IL3RA: variants seen among roughly 807,000 people sequenced by gnomAD.
IL3RA encodes interleukin-3 receptor subunit alpha.
Under a neutral mutation model 52.3 loss-of-function variants are expected in IL3RA, and 73 were observed. The observed-to-expected ratio is 1.40, with a 90% CI of 1.16 to 1.70. IL3RA has a LOEUF of 1.70. Ranked by LOEUF, IL3RA falls within the 40% of genes most tolerant of loss-of-function variation. The pLI is 0.00. For synonymous variants in IL3RA, 260 were observed against 194.0 expected, an observed-to-expected ratio of 1.34 and a Z score of -2.83; for missense variants, 664 against 504.4, an observed-to-expected ratio of 1.32 and a Z score of -3.03.
At chrX:1,366,596 G>C (rs1418712595) in intron 9 of IL3RA, among the ~76,000 whole-genome samples, 5 of 29,542 alleles carry the variant, frequency 1.7e-4, no homozygotes, top group African/African-American at 1.4e-3. Context: ...CGGGGTGCGC[G>C]GTGCGCGGGG....
At position 1,350,670 on chromosome X, in the gene IL3RA, G is replaced by A. The variant is rs769280638; in HGVS notation, c.299-1430G>A. Among the ~76,000 whole-genome samples, 303 of 150,646 alleles carry A rather than the reference G, an allele frequency of 2.0e-3. 18 individuals carry two copies. The highest frequency in any genetic ancestry group is 7.0e-3 in the African/African-American group (287 of 40,912). On this transcript the variant is annotated intron_variant, in intron 4 of 11. Transcript: ENST00000331035. ...TAATCCCAGCACTTTGGGAGGCCGA[G>A]GTGGGTGGATCGCGAGGTCAGGAGA...
At position 1,356,348 on chromosome X, in the gene IL3RA, C is replaced by A. The variant is rs756210123; in HGVS notation, c.732+12C>A. 1 of 1,569,822 alleles carries A rather than the reference C, an allele frequency of 6.4e-7. No individual in the cohort carries two copies. The highest frequency in any genetic ancestry group is 1.4e-5 in the African/African-American group (1 of 73,604). Reference sequence around the variant, plus strand: ...TTCAGATACAAAAGGTAAACTTTCACCCCGCCCCCAGCCCCCCCACCCCCG... The same window carrying A: ...TTCAGATACAAAAGGTAAACTTTCAACCCGCCCCCAGCCCCCCCACCCCCG... On this transcript the variant is annotated intron_variant, in intron 7 of 11. Transcript: ENST00000331035.
At position 1,348,529 on chromosome X, in the gene IL3RA, C is replaced by T; in HGVS notation, c.282C>T (p.Ile94=). ...RVANPPFSTW[I]LFPENSGKPW... ...CCAACCCACCATTCTCCACGTGGAT[C>T]CTCTTCCCTGAGAACAGTGAGAAAA... Residue 94 remains isoleucine, a synonymous_variant, in exon 4 of 12, where the codon ATC becomes ATT. Coordinates refer to ENST00000331035, the MANE Select transcript of IL3RA (RefSeq NM_002183.4). The T allele has an allele frequency of 6.2e-7, 1 of 1,612,952 alleles. No individual in the cohort carries two copies. Among genetic ancestry groups the T allele is most frequent in the Non-Finnish European group, 8.5e-7 (1 of 1,179,032 alleles).
At position 1,348,666 on chromosome X, in the gene IL3RA, CTTTCTTTCTT is replaced by C. The variant is rs1376045887; in HGVS notation, c.298+123_298+132del. 319 of 451,380 alleles carry C rather than the reference CTTTCTTTCTT, an allele frequency of 7.1e-4. 10 individuals carry two copies. The highest frequency in any genetic ancestry group is 2.8e-3 in the Middle Eastern group (5 of 1,756). The allele number at this position is 451,380 out of a possible 1,614,324, so 28.0% of individuals were successfully genotyped here. ...TTTCTCTTTCTTTCTTTCTTTCTTT[CTTTCTTTCTT>C]TCTTTCTTTCTTTCTTTTTCTTTCT... On this transcript the variant is annotated intron_variant, in intron 4 of 11. Transcript: ENST00000331035.
intron 2 of IL3RA, among the ~76,000 whole-genome samples, chrX:1,343,108 A>C (rs1260794321): frequency 6.6e-6 from 1 of 151,910 alleles, no homozygotes; most frequent in Non-Finnish European, 1.5e-5. Context: ...ATTTCTTATA[A>C]GAATTTTTTT....
At chrX:1,345,038 G>A (rs28408723) in intron 2 of IL3RA, among the ~76,000 whole-genome samples, 46 of 150,602 alleles carry the variant, frequency 3.1e-4, no homozygotes, top group Non-Finnish European at 4.1e-4. Context: ...GCGTGGTGGC[G>A]GGCGCCTGTA....
chrX:1,366,918 G>C (rs866562458), intron 9 of IL3RA, among the ~76,000 whole-genome samples: 2 of 21,598 alleles, frequency 9.3e-5, no homozygotes, highest in South Asian at 2.4e-3. Flanking sequence ...CGGGGTGAGC[G>C]GGGTGCGCGG....
intron 10 of IL3RA, among the ~76,000 whole-genome samples, chrX:1,378,977 G>A (rs749638288): frequency 2.0e-5 from 3 of 151,894 alleles, no homozygotes; most frequent in East Asian, 3.9e-4. Flanking sequence ...CAAGTAGCTG[G>A]GATTACAGGC....
intron 4 of IL3RA, 106 bp downstream of exon 4, chrX:1,348,651 T>TTTCTTTCTTTCC (rs1569520679): frequency 1.6e-5 from 6 of 375,716 alleles, no homozygotes; most frequent in Admixed American, 6.3e-5. Context: ...TTTCTCTTTC[T>TTTCTTTCTTTCC]TTCTTTCTTT....
chrX:1,348,386 A>G, intron 3 of IL3RA, 45 bp from the exon 4 acceptor site: 3 of 1,429,156 alleles, frequency 2.1e-6, no homozygotes. Context: ...GCGTCAAATT[A>G]AGCATGGTCT....
At position 1,367,782 on chromosome X, in the gene IL3RA, G is replaced by C. The variant is rs1424070817; in HGVS notation, c.874+2530G>C. On this transcript the variant is annotated intron_variant, in intron 9 of 11. Coordinates refer to ENST00000331035, the MANE Select transcript of IL3RA (RefSeq NM_002183.4). ...GGTGCGCCGGGTGAGCGGGGTGCGC[G>C]GGCTGAGCGGGGTGCGCCGGGTGAG... Among the ~76,000 whole-genome samples, 275 of 133,916 alleles carry C rather than the reference G, an allele frequency of 2.1e-3. 2 individuals are homozygous for C. Among genetic ancestry groups the C allele is most frequent in the African/African-American group, 7.2e-3 (245 of 33,928 alleles). The allele number at this position is 133,916 out of a possible 152,430, so 87.9% of individuals were successfully genotyped here.
Position 1,370,785 on chromosome X carries a change from A to G in IL3RA, c.874+5533A>G, listed in dbSNP as rs1331684655. Reference sequence around the variant, plus strand: ...AAGAGACGAGGACACAGACACACAGAGAGGGACGACCCTGTGAGGACACAG... The same window carrying G: ...AAGAGACGAGGACACAGACACACAGGGAGGGACGACCCTGTGAGGACACAG... On this transcript the variant is annotated intron_variant, in intron 9 of 11. Transcript: ENST00000331035. 6.7e-5 allele frequency among the ~76,000 whole-genome samples: 5 copies of G among 74,294 alleles called. 1 individual carries two copies. Among genetic ancestry groups the G allele is most frequent in the Admixed American group, 3.0e-4 (2 of 6,576 alleles). The allele number at this position is 74,294 out of a possible 152,430, so 48.7% of individuals were successfully genotyped here.
intron 3 of IL3RA, among the ~76,000 whole-genome samples, chrX:1,347,301 G>A (rs1160003049): frequency 5.3e-5 from 8 of 150,768 alleles, no homozygotes; most frequent in Non-Finnish European, 8.8e-5. Context: ...AAAATTAGCC[G>A]GGCGTGGTGG....
chrX:1,342,555 ACTT>A (rs1438291369), intron 2 of IL3RA, among the ~76,000 whole-genome samples: 3 of 111,482 alleles, frequency 2.7e-5, no homozygotes, highest in South Asian at 2.7e-4. Context: ...TCATTCTTTA[ACTT>A]CTTTTTTTTT....
intron 1 of IL3RA, among the ~76,000 whole-genome samples, chrX:1,340,770 G>A (rs77048735): frequency 0.026 from 3,898 of 152,196 alleles, 96 homozygotes; most frequent in East Asian, 0.076. Flanking sequence ...CGGATCACCT[G>A]AGGCAGGAGT....
Position 1,379,187 on chromosome X carries a change from GCT to G in IL3RA, c.980+426_980+427del, listed in dbSNP as rs766269077. ...TGATTATTATTATTTTTTGAGTCTT[GCT>G]CTGTCACCCAGGCTGGAGTGCAGTG... is the stretch of plus-strand genomic sequence containing the variant. On this transcript the variant is annotated intron_variant, in intron 10 of 11. Coordinates refer to ENST00000331035, the MANE Select transcript of IL3RA (RefSeq NM_002183.4). 5.3e-5 allele frequency among the ~76,000 whole-genome samples: 8 copies of G among 150,374 alleles called. No individual in the cohort carries two copies. The East Asian group carries it at 1.6e-3, about 30-fold the overall frequency.
Position 1,353,788 on chromosome X carries a change from C to T in IL3RA, c.616+1282C>T, listed in dbSNP as rs766228466. 2.3e-3 allele frequency among the ~76,000 whole-genome samples: 319 copies of T among 139,192 alleles called. 9 individuals carry two copies. The highest frequency in any genetic ancestry group is 1.2e-3 in the Non-Finnish European group (75 of 65,160). 91.3% of individuals were successfully genotyped at this position (139,192 alleles called of 152,430 possible). A position where few individuals can be genotyped will look rare whatever the true frequency, so the allele number is the denominator to read the frequency against. ...GTCATAGGATCCCCTATCATGGGTT[C>T]CATCATGGGTCATGGGACCCCCCCC... On this transcript the variant is annotated intron_variant, in intron 6 of 11. Transcript: ENST00000331035.
chrX:1,380,519 A>G (rs1345243296), intron 10 of IL3RA, among the ~76,000 whole-genome samples: 1 of 8,766 alleles, frequency 1.1e-4, no homozygotes. Context: ...GGGGAAGGGA[A>G]GAGGGGGAGG....
chrX:1,346,193 C>G (rs2085733751), intron 3 of IL3RA, among the ~76,000 whole-genome samples: 1 of 151,914 alleles, frequency 6.6e-6, no homozygotes. Flanking sequence ...CACACCAGCA[C>G]TTTGAGAGGC....
Sources: allele counts gnomAD v4.1 joint callset (sites outside exome capture counted in the v4.1 genomes callset), GRCh38; gene constraint gnomAD v4.1.1; transcripts MANE v1.5; gene names NCBI Gene and HGNC (gene_info 2026-07-23, HGNC 2026-07-21).